Variants in ROR1 observed in about 807,000 individuals in gnomAD.
The protein encoded by ROR1 is inactive tyrosine-protein kinase transmembrane receptor ROR1.
In ROR1, 19 loss-of-function variants were observed where a neutral mutation model predicts 78.8. The observed-to-expected ratio is 0.24, with a 90% CI of 0.17 to 0.35. The LOEUF (loss-of-function observed/expected upper bound fraction) is 0.35. Ranked by LOEUF, ROR1 falls within the 10% of genes least tolerant of loss-of-function variation. ROR1 has a pLI of 1.00. For missense variants in ROR1, 917 were observed against 1,177.8 expected, an observed-to-expected ratio of 0.78 and a Z score of 3.24; for synonymous variants, 386 against 433.6, an observed-to-expected ratio of 0.89 and a Z score of 1.36.
intron 8 of ROR1, among the ~76,000 whole-genome samples, chr1:64,173,042 T>C (rs986831231): frequency 6.6e-6 from 1 of 152,174 alleles, no homozygotes; most frequent in African/African-American, 2.4e-5. Flanking sequence ...AATTTGAAAA[T>C]GAGTCTATAG....
At chr1:63,824,938 G>A (rs1644944650) in intron 1 of ROR1, among the ~76,000 whole-genome samples, 1 of 151,924 alleles carries the variant, frequency 6.6e-6, no homozygotes, top group African/African-American at 2.4e-5. Flanking sequence ...ATATTTGTCA[G>A]TGTTGTTGAA....
At chr1:64,034,033 G>C (rs1184115043) in intron 2 of ROR1, among the ~76,000 whole-genome samples, 1 of 152,104 alleles carries the variant, frequency 6.6e-6, no homozygotes, top group Non-Finnish European at 1.5e-5. Context: ...TCAGGCAGCT[G>C]GAGCAGTGTC....
chr1:63,834,772 C>A (rs1379355291), intron 1 of ROR1, among the ~76,000 whole-genome samples: 1 of 152,104 alleles, frequency 6.6e-6, no homozygotes, highest in African/African-American at 2.4e-5. Flanking sequence ...GGCAAGTGGA[C>A]TACTGTTCCA....
At chr1:64,017,550 C>T (rs552326463) in intron 2 of ROR1, among the ~76,000 whole-genome samples, 9 of 152,266 alleles carry the variant, frequency 5.9e-5, no homozygotes, top group Middle Eastern at 3.4e-3. Flanking sequence ...ATCAGCCCCC[C>T]TGCCATCCAG....
chr1:63,924,566 G>A (rs1057270222), intron 1 of ROR1, among the ~76,000 whole-genome samples: 7 of 152,046 alleles, frequency 4.6e-5, no homozygotes, highest in Admixed American at 3.9e-4. Flanking sequence ...ACTGCCTCCC[G>A]ATACTTTCAT....
chr1:63,830,979 C>G (rs542839963), intron 1 of ROR1, among the ~76,000 whole-genome samples: 1 of 152,306 alleles, frequency 6.6e-6, no homozygotes, highest in African/African-American at 2.4e-5. Context: ...AGCAGGGCAG[C>G]CATTAAATCT....
At chr1:64,146,702 G>A (rs989861516) in intron 7 of ROR1, among the ~76,000 whole-genome samples, 4 of 152,218 alleles carry the variant, frequency 2.6e-5, no homozygotes, top group East Asian at 1.9e-4. Flanking sequence ...TAAAGTACTC[G>A]TTTTCATTTC....
chr1:63,965,687 T>C (rs1412883290), intron 1 of ROR1, among the ~76,000 whole-genome samples: 2 of 152,232 alleles, frequency 1.3e-5, no homozygotes, highest in African/African-American at 4.8e-5. Flanking sequence ...ATCACCTCAA[T>C]CAGTATAATT....
At position 64,162,497 on chromosome 1, in the gene ROR1, A is replaced by G. The variant is rs992289215; in HGVS notation, c.1386+3305A>G. ...ATCTGTGGGCAAAGGAAGCCAGTGG[A>G]CCAGAGAGGCACCTTAACGCCGAAC... On this transcript the variant is annotated intron_variant, in intron 8 of 8. Transcript: ENST00000371079. 7.9e-5 allele frequency among the ~76,000 whole-genome samples: 12 copies of G among 152,192 alleles called. No homozygotes were observed. The South Asian group carries it at 2.5e-3, about 31-fold the overall frequency.
At chr1:64,048,926 C>A (rs1161816388) in intron 2 of ROR1, among the ~76,000 whole-genome samples, 1 of 152,036 alleles carries the variant, frequency 6.6e-6, no homozygotes, top group Non-Finnish European at 1.5e-5. Flanking sequence ...GGGGTACTTT[C>A]TGGGTTGTTG....
At chr1:64,014,506 G>A (rs1041875844) in intron 2 of ROR1, among the ~76,000 whole-genome samples, 2 of 150,808 alleles carry the variant, frequency 1.3e-5, no homozygotes, top group Non-Finnish European at 2.9e-5. Flanking sequence ...GAGTGTTGGG[G>A]TGGGTGTGAT....
chr1:64,051,191 C>A (rs1352205014), intron 4 of ROR1, among the ~76,000 whole-genome samples: 3 of 152,052 alleles, frequency 2.0e-5, no homozygotes, highest in Admixed American at 1.3e-4. Context: ...GTGGCTCATG[C>A]CTGTAATCCC....
chr1:63,995,418 A>G (rs1431244169), intron 1 of ROR1, among the ~76,000 whole-genome samples: 1 of 152,196 alleles, frequency 6.6e-6, no homozygotes, highest in Non-Finnish European at 1.5e-5. Flanking sequence ...TGCCAACACA[A>G]GACCCTGTCA....
chr1:64,125,718 G>C (rs976546821), intron 4 of ROR1, among the ~76,000 whole-genome samples: 1 of 152,158 alleles, frequency 6.6e-6, no homozygotes, highest in Non-Finnish European at 1.5e-5. Flanking sequence ...TTAAGAAATA[G>C]GGATGGAACT....
chr1:63,902,787 G>A (rs1338769500), intron 1 of ROR1, among the ~76,000 whole-genome samples: 1 of 152,128 alleles, frequency 6.6e-6, no homozygotes, highest in East Asian at 1.9e-4. Context: ...ACAGGAGATA[G>A]GCAGTAGACA....
chr1:64,008,009 T>C (rs1000766006), intron 1 of ROR1, among the ~76,000 whole-genome samples: 1 of 150,846 alleles, frequency 6.6e-6, no homozygotes, highest in Non-Finnish European at 1.5e-5. Flanking sequence ...AGAGGGTACA[T>C]GTACAGGCTT....
At chr1:63,841,634 G>C (rs1645049836) in intron 1 of ROR1, among the ~76,000 whole-genome samples, 2 of 152,246 alleles carry the variant, frequency 1.3e-5, no homozygotes, top group African/African-American at 4.8e-5. Flanking sequence ...AGAAAACCTG[G>C]ATTAGCATTA....
intron 1 of ROR1, among the ~76,000 whole-genome samples, chr1:63,890,646 G>A (rs1300378337): frequency 6.6e-6 from 1 of 152,030 alleles, no homozygotes; most frequent in East Asian, 1.9e-4. Context: ...ATGAGGGGGA[G>A]TTTGCTAAAA....
At chr1:64,160,403 A>G (rs116218079) in intron 8 of ROR1, among the ~76,000 whole-genome samples, 1,555 of 152,030 alleles carry the variant, frequency 0.01, 34 homozygotes, top group African/African-American at 0.036. Flanking sequence ...AATTCAGTGT[A>G]TATATTCTGT....
Sources: allele counts gnomAD v4.1 joint callset (sites outside exome capture counted in the v4.1 genomes callset), GRCh38; gene constraint gnomAD v4.1.1; transcripts MANE v1.5; gene names NCBI Gene and HGNC (gene_info 2026-07-23, HGNC 2026-07-21).